Variants in ABI2 observed in about 807,000 individuals in gnomAD.
ABI2 encodes the protein abelson interactor 2.
Under a neutral mutation model 59.2 loss-of-function variants are expected in ABI2, and 25 were observed. The ratio of observed to expected loss-of-function variants is 0.42; its 90% confidence interval spans 0.31 to 0.59. The LOEUF is 0.59. Among genes scored for constraint, ABI2 ranks in the 20% least tolerant of loss-of-function variants. The probability of loss-of-function intolerance (pLI) is 0.14; values close to 1 mark genes in which losing one functional copy is unlikely to be tolerated. For missense variants in ABI2, 545 were observed against 681.8 expected (o/e 0.80, Z 2.23); for synonymous variants, 213 against 235.5 (o/e 0.90, Z 0.87).
chr2:203,363,152 TA>T (rs61124951), intron 1 of ABI2, among the ~76,000 whole-genome samples: 151,317 of 151,968 alleles, frequency 1, 75,336 homozygotes, highest in East Asian at 1. Flanking sequence ...ACTTTTACAT[TA>T]AAAAAAAATT....
In ABI2 at chr2:203,396,934, A is replaced by G; in HGVS notation, c.1000A>G (p.Thr334Ala). Residue 334 changes from threonine to alanine, a missense_variant, in exon 8 of 12, where the codon ACT (threonine) becomes GCT (alanine). By Grantham distance (58) the Thr-to-Ala change is moderately conservative (BLOSUM62 0). Around this residue, in one of 4 missense-constraint regions of ABI2, gnomAD observed 410 missense variants for 435.6 expected, o/e 0.94. Transcript: ENST00000261018. ...QTLADGFTSP[T>A]PPVVSSTPPT... ...CCTTGCTGATGGCTTCACTTCTCCA[A>G]CTCCCCCTGTTGTTTCTTCCACTCC... is the stretch of plus-strand genomic sequence containing the variant. The G allele has an allele frequency of 6.6e-7, 1 of 1,507,854 alleles. No individual in the cohort carries two copies. The highest frequency in any genetic ancestry group is 8.8e-7 in the Non-Finnish European group (1 of 1,135,228). The allele number at this position is 1,507,854 out of a possible 1,614,324, so 93.4% of individuals were successfully genotyped here.
intron 2 of ABI2, 23 bp from the exon 3 acceptor site, chr2:203,380,185 G>GT (rs760330350): frequency 4.0e-6 from 6 of 1,481,976 alleles, no homozygotes; most frequent in Middle Eastern, 1.8e-4. Flanking sequence ...TTTTTGTGTT[G>GT]TTTTTTACAT....
At chr2:203,414,245 G>A (rs1445665223) in intron 10 of ABI2, among the ~76,000 whole-genome samples, 3 of 151,924 alleles carry the variant, frequency 2.0e-5, no homozygotes, top group African/African-American at 7.3e-5. Flanking sequence ...GGGAATACAC[G>A]TGTGCACCAC....
chr2:203,345,337 A>G (rs2082674335), intron 1 of ABI2, among the ~76,000 whole-genome samples: 1 of 152,194 alleles, frequency 6.6e-6, no homozygotes, highest in Non-Finnish European at 1.5e-5. Context: ...GAAACTCCGG[A>G]CAGATCTGAA....
intron 1 of ABI2, chr2:203,351,437 T>G: frequency 2.8e-6 from 1 of 362,688 alleles, no homozygotes; most frequent in South Asian, 2.2e-5. Flanking sequence ...GCCATCTTAA[T>G]GATAGTAACT....
At chr2:203,332,494 G>C (rs570820512) in intron 1 of ABI2, among the ~76,000 whole-genome samples, 40 of 152,176 alleles carry the variant, frequency 2.6e-4, no homozygotes, top group African/African-American at 9.6e-4. Flanking sequence ...CTATGGTGGC[G>C]TGTGCCTGTA....
At chr2:203,363,407 T>G (rs1432239460) in intron 1 of ABI2, among the ~76,000 whole-genome samples, 1 of 152,120 alleles carries the variant, frequency 6.6e-6, no homozygotes, top group Non-Finnish European at 1.5e-5. Context: ...TTCTTTTCTA[T>G]TTTTCGTATC....
intron 5 of ABI2, chr2:203,394,472 G>T: frequency 2.0e-6 from 1 of 498,398 alleles, no homozygotes; most frequent in Non-Finnish European, 3.5e-6. Context: ...GAACAAAATT[G>T]CATTAGCACA....
intron 10 of ABI2, 137 bp downstream of exon 10, chr2:203,411,508 G>A: frequency 8.7e-6 from 6 of 687,026 alleles, no homozygotes; most frequent in East Asian, 2.9e-5. Context: ...TCTGGCTAGT[G>A]GAGATAAAAT....
intron 1 of ABI2, among the ~76,000 whole-genome samples, chr2:203,352,556 A>T (rs1187778226): frequency 6.8e-6 from 1 of 147,112 alleles, no homozygotes; most frequent in Non-Finnish European, 1.5e-5. Flanking sequence ...GGTTTTTAAC[A>T]AAAAAAGTTA....
chr2:203,423,342 TCCA>T (rs2098294949), intron 11 of ABI2, among the ~76,000 whole-genome samples: 1 of 152,198 alleles, frequency 6.6e-6, no homozygotes, highest in Admixed American at 6.5e-5. Flanking sequence ...GGCCCTTACC[TCCA>T]GGAGTTTATA....
At chr2:203,350,568 CTT>C in intron 1 of ABI2, among the ~76,000 whole-genome samples, 1 of 139,830 alleles carries the variant, frequency 7.2e-6, no homozygotes, top group East Asian at 2.1e-4. Flanking sequence ...AAGTTGAAGT[CTT>C]AATCTGTCGC....
chr2:203,402,017 A>G (rs1182970037), intron 8 of ABI2, among the ~76,000 whole-genome samples: 5 of 152,112 alleles, frequency 3.3e-5, no homozygotes, highest in East Asian at 3.9e-4. Context: ...ATTTAGTGAA[A>G]TAATAGTGTT....
chr2:203,384,856 A>G (rs1027300385), intron 4 of ABI2, among the ~76,000 whole-genome samples: 1 of 147,660 alleles, frequency 6.8e-6, no homozygotes, highest in Non-Finnish European at 1.5e-5. Flanking sequence ...TTTTTTTGAG[A>G]CCGAGTCTTG....
chr2:203,396,037 A>G (rs1261700434), intron 7 of ABI2, among the ~76,000 whole-genome samples: 1 of 152,212 alleles, frequency 6.6e-6, no homozygotes, highest in Non-Finnish European at 1.5e-5. Context: ...TATGAGTACA[A>G]GTTTAATTCC....
rs2095134454 is a variant in ABI2 at position 203,371,087 on chromosome 2, G to A, written c.285+4043G>A. On this transcript the variant is annotated intron_variant, in intron 2 of 11. Coordinates refer to ENST00000261018, the MANE Select transcript of ABI2 (RefSeq NM_001375670.1). ...GAACTTAGGTTTTTTCATCTGTAAG[G>A]TAGGACTGTTTAGATAATTTCTTAA... is the stretch of plus-strand genomic sequence containing the variant. Among the ~76,000 whole-genome samples, 2 of 152,152 alleles carry A rather than the reference G, an allele frequency of 1.3e-5. 1 individual carries two copies. The highest frequency in any genetic ancestry group is 4.1e-4 in the South Asian group (2 of 4,822).
chr2:203,425,661 T>C (rs1470707357), intron 11 of ABI2, among the ~76,000 whole-genome samples: 6 of 152,242 alleles, frequency 3.9e-5, no homozygotes, highest in African/African-American at 1.4e-4. Flanking sequence ...CTACATTTGA[T>C]TGTGTTCAGG....
At chr2:203,395,010 C>G (rs2096915272) in intron 6 of ABI2, 164 bp downstream of exon 6, 1 of 825,004 alleles carries the variant, frequency 1.2e-6, no homozygotes, top group Middle Eastern at 2.2e-4. Context: ...TCTGATTCAA[C>G]TTTGAGCAGT....
intron 1 of ABI2, chr2:203,342,146 C>T (rs1360494873): frequency 6.7e-6 from 3 of 448,786 alleles, no homozygotes; most frequent in Admixed American, 2.4e-5. Context: ...TTATGACTCA[C>T]ACCATTTATT....
Sources: gnomAD v4.1 joint callset for allele counts (sites outside exome capture counted in the v4.1 genomes callset) on GRCh38, gnomAD v4.1.1 for gene constraint, gnomAD v4.1.1 regional missense constraint, MANE v1.5 for transcripts, NCBI Gene and HGNC (gene_info 2026-07-23, HGNC 2026-07-21) for gene names.